The following PRX variants were observed in gnomAD, a reference collection of about 807,000 sequenced individuals.
PRX encodes periaxin.
Under a neutral mutation model 29.6 loss-of-function variants are expected in PRX, and 24 were observed. The observed-to-expected ratio is 0.81, with a 90% confidence interval of 0.59 to 1.14. The LOEUF is 1.14. Among genes scored for constraint, PRX ranks in the 50% most tolerant of loss-of-function variants. PRX has a pLI of 0.00. For missense variants in PRX, 1,838 were observed against 1,926.4 expected (o/e 0.95, Z 0.86); for synonymous variants, 772 against 831.7 (o/e 0.93, Z 1.24).
chr19:40,399,606 C>G (rs1307519188), intron 5 of PRX, among the ~76,000 whole-genome samples: 1 of 152,210 alleles, frequency 6.6e-6, no homozygotes, highest in Non-Finnish European at 1.5e-5. Context: ...TAACCTCACT[C>G]TCTGTCATAT....
rs1224765813 is a variant in PRX, at chr19:40,394,328, C to T, written c.4024G>A (p.Glu1342Lys). ...RLPRVGFSQSEMVTGEGSPSP... is the reference protein window; with the variant it reads ...RLPRVGFSQSKMVTGEGSPSP... ...GGGGACCCTTCCCCAGTGACCATCTCACTTTGGCTGAAGCCCACTCGGGGC... is the reference window on the plus strand; with the variant it reads ...GGGGACCCTTCCCCAGTGACCATCTTACTTTGGCTGAAGCCCACTCGGGGC... Residue 1342 changes from glutamate (E) to lysine (K), a missense_variant, in exon 7 of 7, where the codon GAG (glutamate) becomes AAG (lysine). Transcript: ENST00000324001. This position sits in a 1 kb window ranked among gnomAD's most constrained non-coding sequence, Gnocchi z 5.8. The T allele has an allele frequency of 6.2e-7, 1 of 1,609,086 alleles. No homozygotes were observed. The highest frequency in any genetic ancestry group is 1.1e-5 in the South Asian group (1 of 90,466).
At chr19:40,406,293 G>C (rs1722636081) in intron 4 of PRX, among the ~76,000 whole-genome samples, 1 of 151,548 alleles carries the variant, frequency 6.6e-6, no homozygotes, top group African/African-American at 2.4e-5. Flanking sequence ...GCCCAGGCTG[G>C]TCTCCAGCTC....
chr19:40,410,618 A>T (rs2079554183), intron 1 of PRX, among the ~76,000 whole-genome samples: 1 of 152,172 alleles, frequency 6.6e-6, no homozygotes, highest in South Asian at 2.1e-4. Flanking sequence ...TAGGCCTGTA[A>T]TCCCAACACT....
In PRX at chr19:40,399,850, C is replaced by CCTTTCTCTCTTT. The variant is rs1555801713; in HGVS notation, c.185-1035_185-1034insAAAGAGAGAAAG. Among the ~76,000 whole-genome samples, 21 of 119,624 alleles carry CCTTTCTCTCTTT rather than the reference C, an allele frequency of 1.8e-4. 1 individual carries two copies. Among genetic ancestry groups the CCTTTCTCTCTTT allele is most frequent in the Non-Finnish European group, 3.0e-4 (17 of 56,164 alleles). The allele number at this position is 119,624 out of a possible 152,430, so 78.5% of individuals were successfully genotyped here. On this transcript the variant is annotated intron_variant, in intron 5 of 6. Transcript: ENST00000324001. ...TGAGCCACTACACCCAGCTTTCTTT[C>CCTTTCTCTCTTT]CTTTCTTTCTTTCTTTCTTTCTTTC...
rs142501082 is a variant in PRX at position 40,394,645 on chromosome 19, G to A, written c.3707C>T (p.Ala1236Val). ...GLSREAQAGE[A>V]ATGEGGLRLK... is the part of the protein sequence containing the mutation. ...CCTCAGCCCACCCTCGCCTGTGGCC[G>A]CCTCGCCCGCCTGTGCCTCTCGGCT... The change falls in exon 7 of 7, where the codon GCG (alanine) becomes GTG (valine). Residue 1236 changes from alanine (A) to valine (V), a missense_variant. By Grantham distance (64) the Ala-to-Val change is moderately conservative (BLOSUM62 0). This residue lies in a region of PRX where 1,143 missense variants were observed against 1,193.0 expected (regional missense o/e 0.96). Transcript: ENST00000324001. This position sits in a 1 kb window ranked among gnomAD's most constrained non-coding sequence, Gnocchi z 5.8. 2.5e-5 allele frequency: 40 copies of A among 1,606,898 alleles called. No individual in the cohort carries two copies. Among genetic ancestry groups the A allele is most frequent in the South Asian group, 2.0e-4 (18 of 91,064 alleles).
chr19:40,406,307 G>C (rs2079530195), intron 4 of PRX, among the ~76,000 whole-genome samples: 2 of 151,520 alleles, frequency 1.3e-5, no homozygotes. Flanking sequence ...CCAGCTCCTG[G>C]GCTCAAGGGA....
chr19:40,403,605 C>A, intron 5 of PRX, 101 bp downstream of exon 5: 1 of 1,398,896 alleles, frequency 7.1e-7, no homozygotes, highest in Non-Finnish European at 9.5e-7. Flanking sequence ...GCCGGTCACG[C>A]CCCCATCCCC....
intron 4 of PRX, among the ~76,000 whole-genome samples, chr19:40,407,212 T>TGTGTGTGTG (rs2079535328): frequency 1.0e-4 from 14 of 133,844 alleles, no homozygotes; most frequent in African/African-American, 3.1e-4. Context: ...TTATATGCCC[T>TGTGTGTGTG]TGTGTGTGTG....
intron 1 of PRX, among the ~76,000 whole-genome samples, chr19:40,408,943 G>A (rs988868099): frequency 6.6e-6 from 1 of 151,882 alleles, no homozygotes; most frequent in East Asian, 1.9e-4. Flanking sequence ...TGATTCTCCC[G>A]CCTCAGCCTC....
chr19:40,399,961 T>A lies in PRX; in HGVS notation c.185-1145A>T, dbSNP rs7256881. 9.4e-4 allele frequency among the ~76,000 whole-genome samples: 139 copies of A among 148,572 alleles called. 1 individual carries two copies. Among genetic ancestry groups the A allele is most frequent in the African/African-American group, 3.1e-3 (126 of 40,314 alleles). ...CTTTCCTTTCTTTCTCTTTCTTTCT[T>A]TCTGTCTGTCTGTCTTTCTTTTCTT... On this transcript the variant is annotated intron_variant, in intron 5 of 6. Coordinates refer to ENST00000324001, the MANE Select transcript of PRX (RefSeq NM_181882.3).
intron 5 of PRX, among the ~76,000 whole-genome samples, chr19:40,399,670 T>C (rs2079474094): frequency 6.6e-6 from 1 of 152,068 alleles, no homozygotes. Flanking sequence ...TCTCTGGGAG[T>C]TCCTTGTCAG....
rs1265618408 is a variant in PRX, at chr19:40,403,876, C to A, written c.28-14G>T. On this transcript the variant is annotated splice_polypyrimidine_tract_variant and intron_variant, in intron 4 of 6. Coordinates refer to ENST00000324001, the MANE Select transcript of PRX (RefSeq NM_181882.3). The stretch of plus-strand genomic sequence containing the variant: ...CCGCCTCAGCTCCTGCAGAGGGCGG[C>A]GAGGTGTCGCGTTGGGGCTCTAGGG... 1.2e-6 allele frequency: 2 copies of A among 1,605,160 alleles called. No homozygotes were observed. The highest frequency in any genetic ancestry group is 2.2e-5 in the East Asian group (1 of 44,668).
chr19:40,395,035 G>A lies in PRX; in HGVS notation c.3317C>T (p.Ala1106Val). The change falls in exon 7 of 7, where the codon GCC (alanine) becomes GTC (valine). Residue 1106 changes from alanine (A) to valine (V), a missense_variant. Ala to Val is a moderately conservative substitution (Grantham distance 64). Transcript: ENST00000324001. ...IPEVELVTLG[A>V]QEEGRAEGAV... ...CCCCTCTGCCCTCCCTTCCTCCTGG[G>A]CGCCCAGCGTGACCAGCTCCACCTC... 6.2e-7 allele frequency: 1 copy of A among 1,610,832 alleles called. No individual in the cohort carries two copies.
chr19:40,410,568 A>G (rs1333675334), intron 1 of PRX, among the ~76,000 whole-genome samples: 1 of 152,072 alleles, frequency 6.6e-6, no homozygotes, highest in Non-Finnish European at 1.5e-5. Context: ...CCAGGACTTG[A>G]ACTTGTCTAA....
At chr19:40,408,431 A>C (rs995807140) in intron 1 of PRX, 48 bp from the exon 2 acceptor site, 11 of 217,132 alleles carry the variant, frequency 5.1e-5, no homozygotes, top group African/African-American at 2.5e-4. Flanking sequence ...GCCACCGATG[A>C]CTTCCTGAGT....
Position 40,394,530 on chromosome 19 carries a change from G to A in PRX, c.3822C>T (p.Leu1274=). The change falls in exon 7 of 7, where the codon CTC becomes CTT. Residue 1274 remains leucine, a synonymous_variant. Transcript: ENST00000324001. This position sits in a 1 kb window ranked among gnomAD's most constrained non-coding sequence, Gnocchi z 5.8. ...QPPGAERTFC[L]SLPDVELSPS... is the part of the protein sequence containing the mutation. Reference sequence around the variant, plus strand: ...GCGAGAGCTCCACGTCGGGCAGTGAGAGGCAGAAGGTACGCTCGGCCCCTG... The same window carrying A: ...GCGAGAGCTCCACGTCGGGCAGTGAAAGGCAGAAGGTACGCTCGGCCCCTG... The A allele has an allele frequency of 6.2e-7, 1 of 1,602,834 alleles. No homozygotes were observed. The highest frequency in any genetic ancestry group is 1.1e-5 in the South Asian group (1 of 89,820).
intron 5 of PRX, among the ~76,000 whole-genome samples, chr19:40,399,310 T>G (rs1318478296): frequency 6.6e-6 from 1 of 152,190 alleles, no homozygotes; most frequent in Non-Finnish European, 1.5e-5. Flanking sequence ...CTCGTCTACA[T>G]TATTCCCATC....
chr19:40,412,230 A>T (rs544240896), intron 1 of PRX, among the ~76,000 whole-genome samples: 2 of 152,230 alleles, frequency 1.3e-5, no homozygotes, highest in East Asian at 1.9e-4. Context: ...GGGCTGACTC[A>T]TCCAGACCTC....
upstream of PRX, among the ~76,000 whole-genome samples, chr19:40,413,944 G>A (rs1339471685): frequency 6.6e-6 from 1 of 152,194 alleles, no homozygotes; most frequent in Non-Finnish European, 1.5e-5. Flanking sequence ...CACAAATTAG[G>A]TGGCTGGCTC....
Sources: allele counts gnomAD v4.1 joint callset (sites outside exome capture counted in the v4.1 genomes callset), GRCh38; gene constraint gnomAD v4.1.1; regional missense constraint gnomAD v4.1.1; non-coding constraint Gnocchi (gnomAD v3.1); transcripts MANE v1.5; gene names NCBI Gene and HGNC (gene_info 2026-07-23, HGNC 2026-07-21).